The following TMEM230 variants were observed in gnomAD, a reference collection of about 807,000 sequenced individuals.
TMEM230 encodes transmembrane protein 230.
In TMEM230, 10 loss-of-function variants were observed where a neutral mutation model predicts 15.8. The ratio of observed to expected loss-of-function variants is 0.63; its 90% confidence interval spans 0.39 to 1.07. TMEM230 has a LOEUF of 1.07. Ranked by LOEUF, TMEM230 falls within the 50% of genes least tolerant of loss-of-function variation. The probability of loss-of-function intolerance (pLI) is 0.01; values close to 1 mark genes in which losing one functional copy is unlikely to be tolerated. For synonymous variants in TMEM230, 67 were observed against 76.9 expected (o/e 0.87, Z 0.68); for missense variants, 165 against 193.3 (o/e 0.85, Z 0.87).
chr20:5,073,154 T>C (rs1438533911), intron 3 of TMEM230, among the ~76,000 whole-genome samples: 1 of 152,120 alleles, frequency 6.6e-6, no homozygotes, highest in Non-Finnish European at 1.5e-5. Flanking sequence ...AGGGTTATCC[T>C]TCTTCAAAGC....
intron 4 of TMEM230, among the ~76,000 whole-genome samples, chr20:5,105,447 C>T (rs780278138): frequency 3.3e-5 from 5 of 151,286 alleles, no homozygotes; most frequent in Non-Finnish European, 7.4e-5. Context: ...CAACATTAGC[C>T]GGGTGCGGTG....
chr20:5,088,991 A>G (rs1324523594), intron 3 of TMEM230, among the ~76,000 whole-genome samples: 1 of 152,232 alleles, frequency 6.6e-6, no homozygotes, highest in Admixed American at 6.5e-5. Context: ...TTATGTTGAT[A>G]ATATACTGAG....
At chr20:5,066,849 A>C (rs1376600134), downstream of TMEM230, among the ~76,000 whole-genome samples, 9 of 151,790 alleles carry the variant, frequency 5.9e-5, no homozygotes, top group Non-Finnish European at 1.2e-4. Context: ...CCCCTCACTC[A>C]CCTGTTTCCA....
At chr20:5,112,044 C>A (rs1226480733) in intron 1 of TMEM230, among the ~76,000 whole-genome samples, 2 of 152,158 alleles carry the variant, frequency 1.3e-5, no homozygotes, top group Non-Finnish European at 2.9e-5. Context: ...ACGGGCTTCA[C>A]CATATTGGCC....
the TMEM230 span, among the ~76,000 whole-genome samples, chr20:5,059,971 C>A: frequency 2.0e-4 from 30 of 151,664 alleles, no homozygotes; most frequent in Admixed American, 2.0e-3. Context: ...GGGGTTTCAC[C>A]ATGTTGGCCA....
chr20:5,083,284 GATTTTT>G (rs1269478541), intron 3 of TMEM230, among the ~76,000 whole-genome samples: 3 of 114,358 alleles, frequency 2.6e-5, no homozygotes, highest in Non-Finnish European at 5.1e-5. Flanking sequence ...TGGTTAGGGA[GATTTTT>G]TTTTTTTTTT....
chr20:5,109,409 G>T lies in TMEM230; in HGVS notation c.211C>A (p.Leu71Met). 1 of 1,613,826 alleles carries T rather than the reference G, an allele frequency of 6.2e-7. No individual in the cohort carries two copies. The change falls in exon 3 of 5, where the codon CTG (leucine) becomes ATG (methionine). Residue 71 changes from leucine to methionine, a missense_variant. Physicochemically the swap from Leu to Met is conservative, Grantham distance 15 (BLOSUM62 2). Coordinates refer to ENST00000342308, the MANE Select transcript of TMEM230 (RefSeq NM_001009923.2). ...TTACTACTGGGGATTCCAGTAGCCA[G>T]GTTGGTACGGGACGGCATCATAACA... is the stretch of plus-strand genomic sequence containing the variant.
intron 1 of TMEM230, among the ~76,000 whole-genome samples, chr20:5,112,488 AACAAT>A (rs1366633953): frequency 6.6e-6 from 1 of 152,254 alleles, no homozygotes; most frequent in Non-Finnish European, 1.5e-5. Flanking sequence ...TCCGCATCAA[AACAAT>A]ACATCGCAGG....
downstream of TMEM230, among the ~76,000 whole-genome samples, chr20:5,063,551 A>G (rs2088626149): frequency 6.6e-6 from 1 of 151,958 alleles, no homozygotes; most frequent in African/African-American, 2.4e-5. Flanking sequence ...GGCCTCCCAG[A>G]GTGCTGGGAT....
downstream of TMEM230, among the ~76,000 whole-genome samples, chr20:5,063,315 T>C (rs1435455513): frequency 8.0e-6 from 1 of 124,568 alleles, no homozygotes; most frequent in Non-Finnish European, 1.6e-5. Context: ...TGAGATGGAG[T>C]CTCGCTCTGT....
chr20:5,089,944 G>T (rs1310962108), intron 3 of TMEM230, among the ~76,000 whole-genome samples: 1 of 152,036 alleles, frequency 6.6e-6, no homozygotes, highest in Non-Finnish European at 1.5e-5. Context: ...GCTTGAACCT[G>T]GGGGGCGGAG....
At chr20:5,091,006 T>C (rs1427238449) in intron 3 of TMEM230, among the ~76,000 whole-genome samples, 1 of 152,192 alleles carries the variant, frequency 6.6e-6, no homozygotes. Flanking sequence ...ATAAGCCTTG[T>C]TGAATTTTTT....
chr20:5,106,223 C>T lies in TMEM230; in HGVS notation c.376G>A (p.Gly126Ser). The T allele has an allele frequency of 1.2e-6, 2 of 1,613,864 alleles. No homozygotes were observed. The highest frequency in any genetic ancestry group is 1.3e-5 in the African/African-American group (1 of 74,958). ...ATGTAGCCTGACAGCAGGAGGGAGC[C>T]TATAATAATGAGAAAGGCGCCAATC... Residue 126 changes from glycine to serine, a missense_variant, in exon 4 of 5, where the codon GGC becomes AGC. Transcript: ENST00000342308.
intron 1 of TMEM230, 66 bp downstream of exon 1, chr20:5,112,895 G>A (rs1315329414): frequency 1.3e-6 from 2 of 1,548,038 alleles, no homozygotes; most frequent in Admixed American, 2.0e-5. Flanking sequence ...CGGGGAGCGC[G>A]GTCTCGGACA....
At chr20:5,111,730 TATC>T (rs2090335064) in intron 1 of TMEM230, 1 of 960,008 alleles carries the variant, frequency 1.0e-6, no homozygotes, top group Admixed American at 6.2e-5. Flanking sequence ...AATTCATCAT[TATC>T]ATCATCACAA....
Position 5,109,435 on chromosome 20 carries a change from C to G in TMEM230, c.185G>C (p.Arg62Pro). The change falls in exon 3 of 5, where the codon CGT (arginine) becomes CCT (proline). Residue 62 changes from arginine (R) to proline (P), a missense_variant. Transcript: ENST00000342308. ...GTTGGTACGGGACGGCATCATAACA[C>G]GCTGACACAGCTACAGTTTAAAAAC... The G allele has an allele frequency of 6.2e-7, 1 of 1,613,526 alleles. No homozygotes were observed. Among genetic ancestry groups the G allele is most frequent in the Non-Finnish European group, 8.5e-7 (1 of 1,179,638 alleles).
intron 3 of TMEM230, among the ~76,000 whole-genome samples, chr20:5,083,329 GAAGA>G (rs1227229024): frequency 2.2e-5 from 3 of 134,888 alleles, no homozygotes; most frequent in African/African-American, 5.7e-5. Flanking sequence ...AGGTTTAATA[GAAGA>G]AAGAGAAAGA....
intron 3 of TMEM230, among the ~76,000 whole-genome samples, chr20:5,083,973 C>A (rs1347323117): frequency 6.6e-6 from 1 of 151,962 alleles, no homozygotes; most frequent in East Asian, 1.9e-4. Flanking sequence ...GAGCATAGTA[C>A]CTGAAAGGTA....
chr20:5,087,724 G>T (rs1394006637), intron 3 of TMEM230, among the ~76,000 whole-genome samples: 1 of 130,168 alleles, frequency 7.7e-6, no homozygotes, highest in African/African-American at 2.9e-5. Context: ...TTTTTCCTGG[G>T]ACTAGAAGAT....
Sources: gnomAD v4.1 joint callset for allele counts (sites outside exome capture counted in the v4.1 genomes callset) on GRCh38, gnomAD v4.1.1 for gene constraint, MANE v1.5 for transcripts, NCBI Gene and HGNC (gene_info 2026-07-23, HGNC 2026-07-21) for gene names.